LSAMP: variants seen among roughly 807,000 people sequenced by gnomAD.
LSAMP encodes the protein limbic system associated membrane protein.
Under a neutral mutation model 38.6 loss-of-function variants are expected in LSAMP, and 7 were observed. The observed-to-expected ratio is 0.18, with a 90% confidence interval of 0.10 to 0.34. The LOEUF is 0.34. LSAMP is among the 10% of genes least tolerant of loss of function. The pLI is 1.00. For synonymous variants in LSAMP, 154 were observed against 166.8 expected (o/e 0.92, Z 0.59); for missense variants, 313 against 420.0 (o/e 0.75, Z 2.23).
intron 3 of LSAMP, among the ~76,000 whole-genome samples, chr3:115,868,121 G>T (rs1935913308): frequency 6.6e-6 from 1 of 152,038 alleles, no homozygotes; most frequent in Non-Finnish European, 1.5e-5. Context: ...TGCACATCAG[G>T]GATAATGGAA....
At chr3:115,850,961 A>ATCTC (rs111466687) in intron 4 of LSAMP, among the ~76,000 whole-genome samples, 24,700 of 150,752 alleles carry the variant, frequency 0.16, 2,231 homozygotes, top group Non-Finnish European at 0.22. Context: ...ACAAATATAA[A>ATCTC]TCTCTCTCTC....
intron 3 of LSAMP, among the ~76,000 whole-genome samples, chr3:115,923,730 A>G (rs1937435877): frequency 6.6e-6 from 1 of 152,076 alleles, no homozygotes; most frequent in Admixed American, 6.6e-5. Context: ...ACCTGGAATG[A>G]CTTTTCCTTC....
chr3:116,007,298 T>G (rs1559917723), intron 3 of LSAMP, among the ~76,000 whole-genome samples: 1 of 149,132 alleles, frequency 6.7e-6, no homozygotes, highest in Non-Finnish European at 1.5e-5. Flanking sequence ...ATTTTTTTTT[T>G]GCCAAGGAGT....
intron 1 of LSAMP, among the ~76,000 whole-genome samples, chr3:116,366,646 G>T (rs1029299278): frequency 6.6e-6 from 1 of 152,174 alleles, no homozygotes; most frequent in African/African-American, 2.4e-5. Flanking sequence ...AAGTGCCTCA[G>T]AAGTAATGCA....
intron 3 of LSAMP, among the ~76,000 whole-genome samples, chr3:115,997,932 A>G (rs1362735199): frequency 2.0e-5 from 3 of 147,008 alleles, no homozygotes; most frequent in Non-Finnish European, 4.5e-5. Context: ...ATAGCTATAC[A>G]TATAATATTA....
intron 1 of LSAMP, among the ~76,000 whole-genome samples, chr3:116,214,076 G>T (rs2046192589): frequency 6.6e-6 from 1 of 152,150 alleles, no homozygotes; most frequent in South Asian, 2.1e-4. Context: ...ACAATAAAAT[G>T]ATTTTTAAAA....
chr3:116,156,231 C>T (rs1030066609), intron 1 of LSAMP, among the ~76,000 whole-genome samples: 2 of 152,094 alleles, frequency 1.3e-5, no homozygotes, highest in Non-Finnish European at 2.9e-5. Flanking sequence ...CCAGGACTGA[C>T]TTATATTAGA....
At chr3:116,438,904 G>C (rs2049391751) in intron 1 of LSAMP, among the ~76,000 whole-genome samples, 1 of 152,116 alleles carries the variant, frequency 6.6e-6, no homozygotes, top group Non-Finnish European at 1.5e-5. Context: ...TCTCCCGTTT[G>C]AATTTGTTCA....
intron 1 of LSAMP, among the ~76,000 whole-genome samples, chr3:116,325,775 A>G (rs564346243): frequency 1.3e-5 from 2 of 152,314 alleles, no homozygotes; most frequent in East Asian, 3.9e-4. Context: ...AACTGAGTGT[A>G]GAGCTACTTT....
chr3:115,983,843 G>A (rs1338904209), intron 3 of LSAMP, among the ~76,000 whole-genome samples: 4 of 152,142 alleles, frequency 2.6e-5, no homozygotes, highest in South Asian at 4.1e-4. Flanking sequence ...AGATAGGCAA[G>A]GGCAGAACCA....
chr3:116,229,320 A>G (rs7609815), intron 1 of LSAMP, among the ~76,000 whole-genome samples: 1,751 of 152,228 alleles, frequency 0.012, 37 homozygotes, highest in African/African-American at 0.04. Flanking sequence ...AATCTAAACC[A>G]TGAAGCTAAA....
At chr3:116,182,387 A>G (rs950665327) in intron 1 of LSAMP, among the ~76,000 whole-genome samples, 31 of 151,184 alleles carry the variant, frequency 2.1e-4, no homozygotes, top group Non-Finnish European at 4.4e-4. Context: ...TTATATATAT[A>G]TAGAAATATA....
chr3:116,347,523 A>G (rs995559065), intron 1 of LSAMP, among the ~76,000 whole-genome samples: 2 of 152,120 alleles, frequency 1.3e-5, no homozygotes, highest in Non-Finnish European at 2.9e-5. Context: ...TTCTTGTACT[A>G]GCTAGTTCAG....
At chr3:116,380,097 G>C (rs2048537510) in intron 1 of LSAMP, among the ~76,000 whole-genome samples, 1 of 151,712 alleles carries the variant, frequency 6.6e-6, no homozygotes, top group African/African-American at 2.4e-5. Context: ...ACCCATTCAG[G>C]CCATATGAAT....
rs73139192 is a variant in LSAMP at position 116,080,221 on chromosome 3, G to A, written c.388+6103C>T. On this transcript the variant is annotated intron_variant, in intron 2 of 6. Transcript: ENST00000490035. ...GCATTAAAATCTTCATAGATTCAAT[G>A]ATTCAAGATTTAAGTATAGGTGAAT... is the stretch of plus-strand genomic sequence containing the variant. Among the ~76,000 whole-genome samples, 883 of 152,242 alleles carry A rather than the reference G, an allele frequency of 5.8e-3. 7 individuals are homozygous for A. The highest frequency in any genetic ancestry group is 9.3e-3 in the Non-Finnish European group (634 of 68,016).
At chr3:116,309,329 C>T (rs1559822950) in intron 1 of LSAMP, among the ~76,000 whole-genome samples, 4 of 152,046 alleles carry the variant, frequency 2.6e-5, no homozygotes, top group African/African-American at 9.7e-5. Flanking sequence ...CCTAGAGCTG[C>T]ACAACAGAAC....
intron 1 of LSAMP, among the ~76,000 whole-genome samples, chr3:116,136,133 C>G (rs1709243314): frequency 6.6e-6 from 1 of 152,160 alleles, no homozygotes; most frequent in African/African-American, 2.4e-5. Context: ...TATTTTAAAA[C>G]CACCCATTTC....
At chr3:116,211,450 C>T (rs12496701) in intron 1 of LSAMP, among the ~76,000 whole-genome samples, 30,175 of 151,888 alleles carry the variant, frequency 0.2, 3,057 homozygotes, top group Admixed American at 0.24. Flanking sequence ...TGTTGTTCAC[C>T]GTTAATATAA....
At chr3:115,894,728 C>T (rs181775514) in intron 3 of LSAMP, among the ~76,000 whole-genome samples, 6 of 152,118 alleles carry the variant, frequency 3.9e-5, no homozygotes, top group East Asian at 3.9e-4. Flanking sequence ...GAAACTGACA[C>T]GCAGGAAAAA....
Sources: gnomAD v4.1 joint callset for allele counts (sites outside exome capture counted in the v4.1 genomes callset) on GRCh38, gnomAD v4.1.1 for gene constraint, MANE v1.5 for transcripts, NCBI Gene and HGNC (gene_info 2026-07-23, HGNC 2026-07-21) for gene names.